Variants in CCDC91 observed in about 807,000 individuals in gnomAD.
CCDC91 encodes coiled-coil domain-containing protein 91.
CCDC91 carries 48 observed loss-of-function variants against 63.2 expected under a neutral mutation model. The ratio of observed to expected loss-of-function variants is 0.76; its 90% CI spans 0.60 to 0.97. The LOEUF is 0.97. CCDC91 is among the 50% of genes least tolerant of loss of function. The pLI is 0.00. For missense variants in CCDC91, 500 were observed against 494.6 expected (o/e 1.01, Z -0.10); for synonymous variants, 167 against 165.8 (o/e 1.01, Z -0.06).
At chr12:28,292,120 C>T (rs1371162335) in intron 3 of CCDC91, among the ~76,000 whole-genome samples, 2 of 152,216 alleles carry the variant, frequency 1.3e-5, no homozygotes, top group Non-Finnish European at 2.9e-5. Flanking sequence ...TTTCCATGGT[C>T]TAAAATAAAC....
At chr12:28,399,863 A>G (rs1282942455) in intron 8 of CCDC91, among the ~76,000 whole-genome samples, 2 of 152,202 alleles carry the variant, frequency 1.3e-5, no homozygotes, top group Non-Finnish European at 2.9e-5. Flanking sequence ...CTCTACTCCT[A>G]TGGCTTTGCA....
chr12:28,489,609 G>T (rs573145564), intron 12 of CCDC91, among the ~76,000 whole-genome samples: 1 of 151,744 alleles, frequency 6.6e-6, no homozygotes, highest in African/African-American at 2.4e-5. Flanking sequence ...CAAAATTATT[G>T]CCTGTGTTTT....
intron 11 of CCDC91, among the ~76,000 whole-genome samples, chr12:28,465,495 G>C (rs1950507789): frequency 6.6e-6 from 1 of 152,130 alleles, no homozygotes; most frequent in Non-Finnish European, 1.5e-5. Context: ...TCATTTGTTT[G>C]GGAGAAACTA....
chr12:28,532,243 A>C (rs1186827413), intron 12 of CCDC91, among the ~76,000 whole-genome samples: 6 of 152,096 alleles, frequency 3.9e-5, no homozygotes, highest in Non-Finnish European at 7.4e-5. Flanking sequence ...AAGGAAAGTG[A>C]AAAAAGTGAT....
chr12:28,400,198 C>T (rs1448295430), intron 8 of CCDC91, among the ~76,000 whole-genome samples: 1 of 152,190 alleles, frequency 6.6e-6, no homozygotes, highest in Non-Finnish European at 1.5e-5. Flanking sequence ...GATTTCTGTG[C>T]ACCTGCATGC....
intron 3 of CCDC91, among the ~76,000 whole-genome samples, chr12:28,294,284 A>G (rs562868835): frequency 2.0e-5 from 3 of 152,170 alleles, no homozygotes; most frequent in African/African-American, 4.8e-5. Flanking sequence ...TTGGTCATTG[A>G]TAGGCTTTGG....
intron 1 of CCDC91, among the ~76,000 whole-genome samples, chr12:28,244,414 C>T (rs1945564760): frequency 6.8e-6 from 1 of 146,382 alleles, no homozygotes; most frequent in Non-Finnish European, 1.5e-5. Flanking sequence ...ATAACAAATC[C>T]AAATTTAATG....
chr12:28,394,711 G>GCTCTCTCTCTCTCTCTCTCTCT (rs151131648), intron 8 of CCDC91, among the ~76,000 whole-genome samples: 4,121 of 136,822 alleles, frequency 0.03, 175 homozygotes, highest in Non-Finnish European at 0.04. Flanking sequence ...TCTGTTTCTT[G>GCTCTCTCTCTCTCTCTCTCTCT]CTCTCTCTCT....
Position 28,244,061 on chromosome 12 carries a change from A to G in CCDC91, c.-14-13141A>G, listed in dbSNP as rs184324951. On this transcript the variant is annotated intron_variant, in intron 1 of 12. Coordinates refer to ENST00000536442, the MANE Select transcript of CCDC91 (RefSeq NM_018318.5). Reference sequence around the variant, plus strand: ...TTGAAACCAACATTTAAAGAAGACAAACATCATTGCCAAATTGGATTTTTC... The same window carrying G: ...TTGAAACCAACATTTAAAGAAGACAGACATCATTGCCAAATTGGATTTTTC... Among the ~76,000 whole-genome samples the G allele has an allele frequency of 1.2e-3, 188 of 152,374 alleles. 3 individuals carry two copies. Among genetic ancestry groups the G allele is most frequent in the Non-Finnish European group, 6.8e-4 (46 of 68,040 alleles).
At chr12:28,361,841 T>G (rs1943908290) in intron 6 of CCDC91, among the ~76,000 whole-genome samples, 1 of 143,548 alleles carries the variant, frequency 7.0e-6, no homozygotes, top group African/African-American at 2.5e-5. Context: ...TCTCTGGAAC[T>G]ATTTCTTTTG....
chr12:28,422,337 G>T (rs752488394), intron 8 of CCDC91, among the ~76,000 whole-genome samples: 5 of 151,624 alleles, frequency 3.3e-5, no homozygotes, highest in Non-Finnish European at 5.9e-5. Flanking sequence ...GAGGTAAAAG[G>T]GTACTTATCA....
chr12:28,344,171 A>G (rs532100009), intron 6 of CCDC91, among the ~76,000 whole-genome samples: 6 of 152,286 alleles, frequency 3.9e-5, no homozygotes, highest in South Asian at 4.1e-4. Flanking sequence ...TAACATTTAT[A>G]TAAGAATCCA....
intron 3 of CCDC91, among the ~76,000 whole-genome samples, chr12:28,290,199 G>A (rs1347706084): frequency 1.3e-5 from 2 of 152,082 alleles, no homozygotes; most frequent in Non-Finnish European, 2.9e-5. Flanking sequence ...TCCTGTGTTG[G>A]TCGCATATAC....
intron 8 of CCDC91, among the ~76,000 whole-genome samples, chr12:28,396,684 A>C (rs1288495536): frequency 2.0e-5 from 3 of 149,354 alleles, no homozygotes; most frequent in African/African-American, 7.4e-5. Flanking sequence ...GTGTGTGGGC[A>C]TGTGTGTGTG....
intron 8 of CCDC91, among the ~76,000 whole-genome samples, 170 bp from the exon 9 acceptor site, chr12:28,449,991 A>G (rs1380270776): frequency 2.6e-5 from 4 of 151,916 alleles, no homozygotes; most frequent in African/African-American, 9.7e-5. Context: ...TGATTGTAGA[A>G]AGATGAATTT....
chr12:28,477,541 A>G (rs1467352467), intron 11 of CCDC91, among the ~76,000 whole-genome samples: 1 of 152,118 alleles, frequency 6.6e-6, no homozygotes, highest in South Asian at 2.1e-4. Flanking sequence ...GAAGCATTCC[A>G]TTTGAAAACT....
intron 11 of CCDC91, among the ~76,000 whole-genome samples, chr12:28,456,460 A>G (rs2140402206): frequency 6.6e-6 from 1 of 152,254 alleles, no homozygotes; most frequent in South Asian, 2.1e-4. Context: ...AGGGAAGACA[A>G]AAGTGATATG....
intron 8 of CCDC91, among the ~76,000 whole-genome samples, chr12:28,443,455 T>A (rs942385972): frequency 7.9e-5 from 12 of 152,070 alleles, no homozygotes; most frequent in Admixed American, 5.9e-4. Context: ...GTTTGTAATT[T>A]TTTATTTATT....
Position 28,275,445 on chromosome 12 carries a change from C to A in CCDC91, c.109+16003C>A, listed in dbSNP as rs375066164. 6.6e-5 allele frequency among the ~76,000 whole-genome samples: 10 copies of A among 152,218 alleles called. No individual in the cohort carries two copies. The South Asian group carries it at 1.9e-3, about 28-fold the overall frequency. On this transcript the variant is annotated intron_variant, in intron 3 of 12. Transcript: ENST00000536442. ...GGAAGAAGTTGAATCTCTGAATAGA[C>A]CAATAACAGGCTCTGAAATTGAGGC... is the stretch of plus-strand genomic sequence containing the variant.
Sources: allele counts gnomAD v4.1 joint callset (sites outside exome capture counted in the v4.1 genomes callset), GRCh38; gene constraint gnomAD v4.1.1; transcripts MANE v1.5; gene names NCBI Gene and HGNC (gene_info 2026-07-23, HGNC 2026-07-21).